The following NAALADL2 variants were observed in gnomAD, a reference collection of about 807,000 sequenced individuals.
NAALADL2 encodes N-acetylated alpha-linked acidic dipeptidase like 2.
A neutral mutation model predicts 87.2 loss-of-function variants in NAALADL2; 76 were observed. That is an observed-to-expected ratio of 0.87 (90% CI 0.72 to 1.05). The LOEUF (loss-of-function observed/expected upper bound fraction) is 1.05. NAALADL2 is among the 50% of genes least tolerant of loss of function. The pLI is 0.00. For missense variants in NAALADL2, 1,089 were observed against 945.8 expected, an observed-to-expected ratio of 1.15 and a Z score of -1.99; for synonymous variants, 354 against 331.0, an observed-to-expected ratio of 1.07 and a Z score of -0.75.
chr3:175,632,310 C>CTCT (rs71164648), intron 11 of NAALADL2, among the ~76,000 whole-genome samples: 3 of 145,372 alleles, frequency 2.1e-5, no homozygotes, highest in African/African-American at 5.2e-5. Context: ...CTCTCTCTCT[C>CTCT]CTACTCCCTA....
intron 11 of NAALADL2, among the ~76,000 whole-genome samples, chr3:175,632,787 G>A (rs1038026386): frequency 2.6e-5 from 4 of 152,212 alleles, no homozygotes; most frequent in Admixed American, 2.6e-4. Flanking sequence ...GATACATCAA[G>A]GAGGCTGTTG....
intron 5 of NAALADL2, among the ~76,000 whole-genome samples, chr3:175,339,230 T>G (rs1581485690): frequency 6.6e-6 from 1 of 152,202 alleles, no homozygotes; most frequent in Admixed American, 6.5e-5. Flanking sequence ...AGAGAGCCTG[T>G]GTGAAATAAG....
intron 1 of NAALADL2, among the ~76,000 whole-genome samples, chr3:175,075,090 C>G (rs1398246338): frequency 2.0e-5 from 3 of 152,108 alleles, no homozygotes; most frequent in African/African-American, 7.2e-5. Context: ...CTCCTATAAT[C>G]TTAGCAATAA....
intron 2 of NAALADL2, among the ~76,000 whole-genome samples, chr3:174,661,248 G>A (rs534091367): frequency 2.0e-5 from 3 of 152,180 alleles, no homozygotes; most frequent in South Asian, 2.1e-4. Flanking sequence ...CATCAATAAC[G>A]TAGAATATTG....
chr3:175,288,129 T>A (rs1755204813), intron 4 of NAALADL2, among the ~76,000 whole-genome samples: 1 of 152,150 alleles, frequency 6.6e-6, no homozygotes, highest in Non-Finnish European at 1.5e-5. Context: ...TCTCCCAGGC[T>A]GGAGTGTAAT....
chr3:174,495,398 G>A (rs938441), intron 1 of NAALADL2, among the ~76,000 whole-genome samples: 63,208 of 151,906 alleles, frequency 0.42, 14,186 homozygotes, highest in East Asian at 0.88. Flanking sequence ...ACATTTAATG[G>A]GCATCAAGTA....
chr3:175,287,745 A>G (rs1175493280), intron 4 of NAALADL2, among the ~76,000 whole-genome samples: 1 of 152,230 alleles, frequency 6.6e-6, no homozygotes, highest in Non-Finnish European at 1.5e-5. Context: ...TGACAGATTC[A>G]TGAGAAATGG....
chr3:175,410,992 A>G (rs1713405863), intron 5 of NAALADL2, among the ~76,000 whole-genome samples: 1 of 152,226 alleles, frequency 6.6e-6, no homozygotes, highest in Admixed American at 6.5e-5. Flanking sequence ...TGTTTCATAA[A>G]GTCCTTTTGG....
intron 1 of NAALADL2, among the ~76,000 whole-genome samples, chr3:174,470,362 G>A (rs1560002568): frequency 1.3e-5 from 2 of 152,028 alleles, no homozygotes; most frequent in African/African-American, 2.4e-5. Context: ...GTTTTTGCTT[G>A]TTGATTTGTT....
At chr3:175,480,354 A>G (rs548003553) in intron 9 of NAALADL2, among the ~76,000 whole-genome samples, 2 of 151,970 alleles carry the variant, frequency 1.3e-5, no homozygotes, top group East Asian at 1.9e-4. Context: ...TTGTAGACAT[A>G]TATCAATGGC....
At chr3:175,534,572 G>A (rs769704189) in intron 9 of NAALADL2, among the ~76,000 whole-genome samples, 1 of 151,978 alleles carries the variant, frequency 6.6e-6, no homozygotes, top group Non-Finnish European at 1.5e-5. Context: ...GTCCTGTCTG[G>A]ATGACTTTAT....
intron 1 of NAALADL2, among the ~76,000 whole-genome samples, chr3:175,032,675 G>A (rs75632444): frequency 0.024 from 3,689 of 151,962 alleles, 159 homozygotes; most frequent in African/African-American, 0.085. Context: ...TTCTTCTCAC[G>A]AAAGGTTTTC....
rs148049806 is a variant in NAALADL2 at position 175,030,112 on chromosome 3, C to T, written c.44-66678C>T. 6.2e-3 allele frequency among the ~76,000 whole-genome samples: 950 copies of T among 152,160 alleles called. 5 individuals are homozygous for T. Among genetic ancestry groups the T allele is most frequent in the Non-Finnish European group, 9.0e-3 (614 of 67,986 alleles). ...GCCATCTGACTGCCTTAGAAACTGC[C>T]AGACAGTCTTCTTAATGCCTCTGAC... On this transcript the variant is annotated intron_variant, in intron 1 of 13. Coordinates refer to ENST00000454872, the MANE Select transcript of NAALADL2 (RefSeq NM_207015.3).
intron 1 of NAALADL2, among the ~76,000 whole-genome samples, chr3:175,050,372 C>A (rs1933620885): frequency 6.6e-6 from 1 of 152,098 alleles, no homozygotes; most frequent in South Asian, 2.1e-4. Context: ...AAACAGTTCT[C>A]CTGCTCAGCC....
intron 2 of NAALADL2, among the ~76,000 whole-genome samples, chr3:175,100,577 C>T (rs1216439508): frequency 6.6e-6 from 1 of 152,110 alleles, no homozygotes; most frequent in Admixed American, 6.6e-5. Flanking sequence ...GTGGGTAATG[C>T]CTGTAATCCC....
intron 3 of NAALADL2, among the ~76,000 whole-genome samples, chr3:175,243,321 A>ACACAC (rs1747286159): frequency 6.9e-6 from 1 of 144,556 alleles, no homozygotes; most frequent in African/African-American, 2.6e-5. Context: ...TTTAGAAGGA[A>ACACAC]ACACACACAC....
intron 1 of NAALADL2, among the ~76,000 whole-genome samples, chr3:174,520,482 T>C (rs1341429032): frequency 6.6e-6 from 1 of 152,174 alleles, no homozygotes; most frequent in Non-Finnish European, 1.5e-5. Flanking sequence ...ATTCAATAAA[T>C]GTTGCTAGGA....
intron 2 of NAALADL2, among the ~76,000 whole-genome samples, chr3:174,679,351 T>C (rs924122067): frequency 1.6e-4 from 24 of 152,304 alleles, no homozygotes; most frequent in East Asian, 1.2e-3. Flanking sequence ...TTTAATTATT[T>C]TATCTTTAAT....
Position 174,508,114 on chromosome 3 carries a change from G to GTTTTTTTT in NAALADL2, c.-183-42445_-183-42438dup, listed in dbSNP as rs1311325384. ...AATTTTAGCTATTGGATATCTAGTG[G>GTTTTTTTT]TTTTTTTTTTTTTTTTTGAGACGAA... On this transcript the variant is annotated intron_variant, in intron 1 of 3. Coordinates refer to the NAALADL2 transcript ENST00000434257. 1.6e-4 allele frequency among the ~76,000 whole-genome samples: 17 copies of GTTTTTTTT among 103,898 alleles called. 3 individuals carry two copies. Among genetic ancestry groups the GTTTTTTTT allele is most frequent in the Non-Finnish European group, 2.1e-4 (11 of 51,922 alleles). The allele number at this position is 103,898 out of a possible 152,430, so 68.2% of individuals were successfully genotyped here.
Sources: allele counts gnomAD v4.1 joint callset (sites outside exome capture counted in the v4.1 genomes callset), GRCh38; gene constraint gnomAD v4.1.1; transcripts MANE v1.5; gene names NCBI Gene and HGNC (gene_info 2026-07-23, HGNC 2026-07-21).